DMBX1: variants seen among roughly 807,000 people sequenced by gnomAD.
The protein encoded by DMBX1 is diencephalon/mesencephalon homeobox 1.
Under a neutral mutation model 30.4 loss-of-function variants are expected in DMBX1, and 7 were observed. That is an observed-to-expected ratio of 0.23 (90% CI 0.13 to 0.43). The LOEUF (loss-of-function observed/expected upper bound fraction) is 0.43. Among genes scored for constraint, DMBX1 ranks in the 20% least tolerant of loss-of-function variants. The pLI, the probability that DMBX1 is intolerant of heterozygous loss-of-function variation, is 1.00. For missense variants in DMBX1, 460 were observed against 508.5 expected (o/e 0.90, Z 0.92); for synonymous variants, 222 against 214.2 (o/e 1.04, Z -0.32).
rs369503066 is a variant in DMBX1 at position 46,510,667 on chromosome 1, T to G, written c.333+13T>G. 8 of 1,611,086 alleles carry G rather than the reference T, an allele frequency of 5.0e-6. No individual in the cohort carries two copies. Among genetic ancestry groups the G allele is most frequent in the Non-Finnish European group, 6.8e-6 (8 of 1,178,556 alleles). ...GGCCCGGGTGCAGGTAGGGCCCAACTCTCCTAACTAGGCCTTGCAGACAAA... is the reference window on the plus strand; with the variant it reads ...GGCCCGGGTGCAGGTAGGGCCCAACGCTCCTAACTAGGCCTTGCAGACAAA... On this transcript the variant is annotated intron_variant, in intron 4 of 5. Transcript: ENST00000360032. This position sits in a 1 kb window ranked among gnomAD's most constrained non-coding sequence, Gnocchi z 4.1.
In DMBX1 at chr1:46,507,481, C is replaced by T. The variant is rs77474508; in HGVS notation, c.154+317C>T. ...TGAGGTAGGAGGGTAAGGGACTAGT[C>T]CAGAGTATTATGGCTGGGAAGTAGC... On this transcript the variant is annotated intron_variant, in intron 3 of 5. Coordinates refer to ENST00000360032, the MANE Select transcript of DMBX1 (RefSeq NM_172225.2). Among the ~76,000 whole-genome samples, 261 of 152,252 alleles carry T rather than the reference C, an allele frequency of 1.7e-3. 4 individuals are homozygous for T. In the East Asian group the frequency reaches 0.037, roughly 22 times the overall value.
In DMBX1 at chr1:46,515,754, C is replaced by T. The variant is rs1557793548; in HGVS notation, c.*3260C>T. ...GGGTACAGGCCCACCACACCTGATG[C>T]TGGAGCCCCTCCCAGGCCTGCTGGG... is the stretch of plus-strand genomic sequence containing the variant. On this transcript the variant is annotated 3_prime_UTR_variant, in exon 6 of 6. Coordinates refer to ENST00000360032, the MANE Select transcript of DMBX1 (RefSeq NM_172225.2). Among the ~76,000 whole-genome samples, 1 of 152,244 alleles carries T rather than the reference C, an allele frequency of 6.6e-6. No individual in the cohort carries two copies. The highest frequency in any genetic ancestry group is 2.4e-5 in the African/African-American group (1 of 41,474).
At chr1:46,494,333 C>T (rs1005247547) in intron 2 of DMBX1, among the ~76,000 whole-genome samples, 1 of 152,228 alleles carries the variant, frequency 6.6e-6, no homozygotes, top group Non-Finnish European at 1.5e-5. Flanking sequence ...TTAACTCCAG[C>T]CGCCTGATTT....
chr1:46,499,498 T>C (rs1398434990), intron 2 of DMBX1, among the ~76,000 whole-genome samples: 1 of 152,258 alleles, frequency 6.6e-6, no homozygotes, highest in East Asian at 1.9e-4. Context: ...CACCACTTTC[T>C]ACCTCCATGG....
rs886978062 is a variant in DMBX1 at position 46,515,778 on chromosome 1, G to A, written c.*3284G>A. ...GCTGGAGCCCCTCCCAGGCCTGCTG[G>A]GCCAACCTGGGCCTGAAAGCCAGAG... On this transcript the variant is annotated 3_prime_UTR_variant, in exon 6 of 6. Transcript: ENST00000360032. 6.6e-6 allele frequency among the ~76,000 whole-genome samples: 1 copy of A among 152,202 alleles called. No individual in the cohort carries two copies. The highest frequency in any genetic ancestry group is 1.5e-5 in the Non-Finnish European group (1 of 68,024).
At chr1:46,503,906 G>T (rs12031107) in intron 2 of DMBX1, among the ~76,000 whole-genome samples, 10,516 of 152,276 alleles carry the variant, frequency 0.069, 488 homozygotes, top group East Asian at 0.18. Flanking sequence ...GCTGCAGACT[G>T]GGTGAGGGTC....
intron 1 of DMBX1, among the ~76,000 whole-genome samples, chr1:46,490,250 C>A (rs1259409627): frequency 6.6e-6 from 1 of 152,146 alleles, no homozygotes; most frequent in African/African-American, 2.4e-5. Context: ...TGGGTAGAAA[C>A]GCGCCGAGGC....
In DMBX1 at chr1:46,493,406, C is replaced by T. The variant is rs937621041; in HGVS notation, c.-13+2623C>T. Among the ~76,000 whole-genome samples the T allele has an allele frequency of 6.6e-6, 1 of 152,202 alleles. No homozygotes were observed. The highest frequency in any genetic ancestry group is 6.5e-5 in the Admixed American group (1 of 15,286). ...GTCCAGCCCTCCCGCCGTTCAGTGG[C>T]CTCTCTTTCTATTTAGTCACCTGTC... On this transcript the variant is annotated intron_variant, in intron 2 of 5. Coordinates refer to ENST00000360032, the MANE Select transcript of DMBX1 (RefSeq NM_172225.2). The surrounding 1 kb of genome is among the most constrained non-coding windows in gnomAD (Gnocchi z 4.1).
chr1:46,494,917 A>G (rs1666000945), intron 2 of DMBX1, among the ~76,000 whole-genome samples: 1 of 152,112 alleles, frequency 6.6e-6, no homozygotes, highest in African/African-American at 2.4e-5. Flanking sequence ...CATGATACCT[A>G]TGCCACTGGC....
At chr1:46,501,250 C>CTT (rs1409275833) in intron 2 of DMBX1, among the ~76,000 whole-genome samples, 2 of 132,164 alleles carry the variant, frequency 1.5e-5, no homozygotes, top group African/African-American at 3.0e-5. Context: ...TTCTTTCTTT[C>CTT]TTTCTTTCTT....
In DMBX1 at chr1:46,515,052, GT is replaced by G. The variant is rs149306693; in HGVS notation, c.*2561del. On this transcript the variant is annotated 3_prime_UTR_variant, in exon 6 of 6. Coordinates refer to ENST00000360032, the MANE Select transcript of DMBX1 (RefSeq NM_172225.2). ...CAAGCACCAAGACAGGCATTTGAGG[GT>G]TTCCAAATCCTCAGGTCTCTTGCTG... Among the ~76,000 whole-genome samples the G allele has an allele frequency of 0.027, 4,085 of 152,200 alleles. 175 individuals are homozygous for G. Among genetic ancestry groups the G allele is most frequent in the African/African-American group, 0.093 (3,862 of 41,504 alleles).
At chr1:46,505,741 A>G (rs888728332) in intron 2 of DMBX1, among the ~76,000 whole-genome samples, 1 of 152,036 alleles carries the variant, frequency 6.6e-6, no homozygotes, top group African/African-American at 2.4e-5. Context: ...CCTAAAACTT[A>G]AAGTATAATA....
rs932925043 is a variant in DMBX1, at chr1:46,493,033, C to T, written c.-13+2250C>T. On this transcript the variant is annotated intron_variant, in intron 2 of 5. Coordinates refer to ENST00000360032, the MANE Select transcript of DMBX1 (RefSeq NM_172225.2). The surrounding 1 kb of genome is among the most constrained non-coding windows in gnomAD (Gnocchi z 4.1). ...GGCCTCGAAGTTACTCCTCCTCCTC[C>T]GGCCAGTCCCAGTTCCTCAAGGAGC... 2.9e-4 allele frequency among the ~76,000 whole-genome samples: 44 copies of T among 152,268 alleles called. No homozygotes were observed. The highest frequency in any genetic ancestry group is 7.8e-4 in the Admixed American group (12 of 15,304).
At chr1:46,501,865 A>G (rs1447085195) in intron 2 of DMBX1, among the ~76,000 whole-genome samples, 1 of 152,098 alleles carries the variant, frequency 6.6e-6, no homozygotes, top group Non-Finnish European at 1.5e-5. Flanking sequence ...TATCATGGAT[A>G]TTCCCTTTTA....
At chr1:46,495,137 G>A (rs1666003958) in intron 2 of DMBX1, among the ~76,000 whole-genome samples, 3 of 152,234 alleles carry the variant, frequency 2.0e-5, no homozygotes, top group Admixed American at 1.3e-4. Context: ...TCATCTCCCA[G>A]AGCTGGTTTC....
chr1:46,503,026 G>A (rs998515149), intron 2 of DMBX1, among the ~76,000 whole-genome samples: 1 of 152,254 alleles, frequency 6.6e-6, no homozygotes, highest in Admixed American at 6.5e-5. Flanking sequence ...ATTACAATGG[G>A]CCGTGGAGCC....
Position 46,512,384 on chromosome 1 carries a change from C to T in DMBX1, c.1024C>T (p.Leu342=), listed in dbSNP as rs1414587537. ...SPLLPAPPAG[L]APASATLNSK... ...TCTGCTGCCTGCACCCCCAGCAGGC[C>T]TGGCTCCTGCATCAGCTACCCTGAA... Residue 342 remains leucine (L), a synonymous_variant, in exon 6 of 6, where the codon CTG becomes TTG. Coordinates refer to ENST00000360032, the MANE Select transcript of DMBX1 (RefSeq NM_172225.2). The surrounding 1 kb of genome is among the most constrained non-coding windows in gnomAD (Gnocchi z 4.8). The T allele has an allele frequency of 6.2e-7, 1 of 1,613,942 alleles. No homozygotes were observed.
chr1:46,494,032 A>G (rs984171206), intron 2 of DMBX1, among the ~76,000 whole-genome samples: 3 of 152,262 alleles, frequency 2.0e-5, no homozygotes, highest in Non-Finnish European at 4.4e-5. Flanking sequence ...GGCCAGGAAC[A>G]TCCTGGGGTC....
intron 3 of DMBX1, among the ~76,000 whole-genome samples, chr1:46,509,226 C>G (rs1016499499): frequency 3.9e-5 from 6 of 152,148 alleles, no homozygotes; most frequent in African/African-American, 1.4e-4. Context: ...GGGCCCACCA[C>G]CACGCTCAGC....
Sources: allele counts gnomAD v4.1 joint callset (sites outside exome capture counted in the v4.1 genomes callset), GRCh38; gene constraint gnomAD v4.1.1; non-coding constraint Gnocchi (gnomAD v3.1); transcripts MANE v1.5; gene names NCBI Gene and HGNC (gene_info 2026-07-23, HGNC 2026-07-21).